Variants in AGBL4 observed in about 807,000 individuals in gnomAD.
The protein encoded by AGBL4 is cytosolic carboxypeptidase 6.
Under a neutral mutation model 66.4 loss-of-function variants are expected in AGBL4, and 58 were observed. That is an observed-to-expected ratio of 0.87 (90% confidence interval 0.71 to 1.09). The LOEUF (loss-of-function observed/expected upper bound fraction) is 1.09, where lower values mean the gene tolerates loss of function less well. Among genes scored for constraint, AGBL4 ranks in the 50% least tolerant of loss-of-function variants. The probability of loss-of-function intolerance (pLI) is 0.00; values close to 1 mark genes in which losing one functional copy is unlikely to be tolerated. For missense variants in AGBL4, 579 were observed against 631.0 expected, an observed-to-expected ratio of 0.92 and a Z score of 0.88; for synonymous variants, 234 against 222.9, an observed-to-expected ratio of 1.05 and a Z score of -0.44.
intron 6 of AGBL4, chr1:48,776,855 G>T (rs945860168): frequency 1.4e-6 from 2 of 1,479,568 alleles, no homozygotes; most frequent in Non-Finnish European, 1.8e-6. Context: ...GGCGGGCCCC[G>T]GTCGGGCAGC....
intron 9 of AGBL4, among the ~76,000 whole-genome samples, chr1:48,613,766 C>A (rs980188300): frequency 1.3e-5 from 2 of 152,212 alleles, no homozygotes; most frequent in Non-Finnish European, 2.9e-5. Flanking sequence ...ACTTACAGCC[C>A]TTATAGAGCA....
At chr1:48,746,455 G>A (rs577779501) in intron 6 of AGBL4, among the ~76,000 whole-genome samples, 2 of 152,330 alleles carry the variant, frequency 1.3e-5, no homozygotes, top group East Asian at 1.9e-4. Context: ...CAAGGCTCAC[G>A]AAGGTGTCCT....
intron 5 of AGBL4, among the ~76,000 whole-genome samples, chr1:48,900,441 T>C (rs1443735419): frequency 6.6e-6 from 1 of 152,080 alleles, no homozygotes; most frequent in Non-Finnish European, 1.5e-5. Context: ...CAAAATAACT[T>C]TGAGAAAGAA....
chr1:49,910,242 G>T lies in AGBL4; in HGVS notation c.35-58724C>A, dbSNP rs962438998. On this transcript the variant is annotated intron_variant, in intron 1 of 13. Transcript: ENST00000371839. ...AGTTAGGAGGAGAGCCAAGAGAGTG[G>T]TCTCAGAAGCTAAGAGATGAAACAG... Among the ~76,000 whole-genome samples the T allele has an allele frequency of 4.6e-5, 7 of 152,184 alleles. 1 individual carries two copies. The highest frequency in any genetic ancestry group is 3.3e-4 in the Admixed American group (5 of 15,276).
intron 6 of AGBL4, among the ~76,000 whole-genome samples, chr1:48,752,560 A>T (rs1401175185): frequency 2.0e-5 from 3 of 152,330 alleles, no homozygotes; most frequent in African/African-American, 7.2e-5. Flanking sequence ...TCCAGGGTTG[A>T]CCAAAGATTA....
At chr1:49,789,572 C>A (rs1481875801) in intron 2 of AGBL4, among the ~76,000 whole-genome samples, 1 of 152,180 alleles carries the variant, frequency 6.6e-6, no homozygotes, top group African/African-American at 2.4e-5. Flanking sequence ...CATGAGTGAA[C>A]TCCCATTCAT....
intron 3 of AGBL4, among the ~76,000 whole-genome samples, chr1:49,608,281 C>A (rs1398360170): frequency 6.6e-6 from 1 of 152,144 alleles, no homozygotes; most frequent in Non-Finnish European, 1.5e-5. Context: ...AAAAATTCTT[C>A]TCTCAGTACC....
At chr1:48,641,388 TCCCATCACCACCA>T (rs1317581897) in intron 8 of AGBL4, among the ~76,000 whole-genome samples, 2 of 152,078 alleles carry the variant, frequency 1.3e-5, no homozygotes, top group Non-Finnish European at 2.9e-5. Flanking sequence ...CACATCCACT[TCCCATCACCACCA>T]CCAAGATATT....
chr1:49,955,187 C>G (rs995721761), intron 1 of AGBL4, among the ~76,000 whole-genome samples: 2 of 151,842 alleles, frequency 1.3e-5, no homozygotes, highest in African/African-American at 4.8e-5. Context: ...ACATTGAGGC[C>G]AATACATTCT....
At chr1:49,427,041 C>T (rs148479697) in intron 3 of AGBL4, among the ~76,000 whole-genome samples, 1 of 151,828 alleles carries the variant, frequency 6.6e-6, no homozygotes, top group Non-Finnish European at 1.5e-5. Context: ...CAAGAGAACA[C>T]AAATGTCAAC....
rs1644075679 is a variant in AGBL4 at position 49,272,210 on chromosome 1, G to C, written c.283-26346C>G. 2.0e-5 allele frequency among the ~76,000 whole-genome samples: 3 copies of C among 152,036 alleles called. No individual in the cohort carries two copies. The South Asian group carries it at 6.2e-4, about 32-fold the overall frequency. On this transcript the variant is annotated intron_variant, in intron 3 of 13. Transcript: ENST00000371839. ...GTCCCATGGTGTTTCCCTCTTTTTG[G>C]AGACCCAGGATTCAGTGTAAAAATA...
At chr1:48,625,113 C>CTTCCTTCA (rs1456977467) in intron 9 of AGBL4, among the ~76,000 whole-genome samples, 4 of 143,754 alleles carry the variant, frequency 2.8e-5, no homozygotes, top group Non-Finnish European at 4.7e-5. Flanking sequence ...TCCTTCCTTC[C>CTTCCTTCA]TTCCTTCCTT....
At chr1:49,950,135 T>C (rs1486329124) in intron 1 of AGBL4, among the ~76,000 whole-genome samples, 2 of 144,286 alleles carry the variant, frequency 1.4e-5, no homozygotes, top group Admixed American at 1.4e-4. Context: ...TGTGTATATA[T>C]ATACACATAT....
At chr1:48,950,424 T>C (rs1249632632) in intron 5 of AGBL4, among the ~76,000 whole-genome samples, 1 of 152,138 alleles carries the variant, frequency 6.6e-6, no homozygotes, top group Non-Finnish European at 1.5e-5. Context: ...ATGAGAAAAC[T>C]GAAACGTAGG....
chr1:49,882,563 T>C (rs1362505228), intron 1 of AGBL4, among the ~76,000 whole-genome samples: 1 of 152,156 alleles, frequency 6.6e-6, no homozygotes, highest in South Asian at 2.1e-4. Context: ...TTTAATTTCA[T>C]TGAGCAGTGG....
intron 1 of AGBL4, among the ~76,000 whole-genome samples, chr1:49,993,952 T>C (rs1346144531): frequency 6.6e-6 from 1 of 152,228 alleles, no homozygotes; most frequent in African/African-American, 2.4e-5. Flanking sequence ...TCAAGACCTA[T>C]TTTAAGCTCC....
chr1:48,933,855 A>G (rs552677907), intron 5 of AGBL4, among the ~76,000 whole-genome samples: 25 of 152,338 alleles, frequency 1.6e-4, no homozygotes, highest in Admixed American at 1.6e-3. Context: ...TGTTTGGGAC[A>G]GTGAAAAGAG....
At chr1:49,139,893 A>G (rs554066771) in intron 4 of AGBL4, among the ~76,000 whole-genome samples, 3 of 152,174 alleles carry the variant, frequency 2.0e-5, no homozygotes, top group Non-Finnish European at 4.4e-5. Flanking sequence ...ATTTGGTTAT[A>G]GGTTATAACC....
intron 2 of AGBL4, among the ~76,000 whole-genome samples, chr1:49,711,195 A>T (rs922897285): frequency 6.6e-6 from 1 of 152,140 alleles, no homozygotes; most frequent in Non-Finnish European, 1.5e-5. Flanking sequence ...ATAATTTCTC[A>T]TAAAGGTAAA....
Sources: allele counts gnomAD v4.1 joint callset (sites outside exome capture counted in the v4.1 genomes callset), GRCh38; gene constraint gnomAD v4.1.1; transcripts MANE v1.5; gene names NCBI Gene and HGNC (gene_info 2026-07-23, HGNC 2026-07-21).